CNTN4: variants seen among roughly 807,000 people sequenced by gnomAD.
The protein encoded by CNTN4 is contactin 4.
Under a neutral mutation model 122.5 loss-of-function variants are expected in CNTN4, and 77 were observed. The ratio of observed to expected loss-of-function variants is 0.63; its 90% CI spans 0.52 to 0.76. The LOEUF (loss-of-function observed/expected upper bound fraction) is 0.76, where lower values mean the gene tolerates loss of function less well. Ranked by LOEUF, CNTN4 falls within the 30% of genes least tolerant of loss-of-function variation. CNTN4 has a pLI of 0.00. For missense variants in CNTN4, 1,256 were observed against 1,259.1 expected (o/e 1.00, Z 0.04); for synonymous variants, 512 against 447.0 (o/e 1.15, Z -1.83).
chr3:2,343,343 C>T (rs2044279072), intron 3 of CNTN4, among the ~76,000 whole-genome samples: 1 of 152,134 alleles, frequency 6.6e-6, no homozygotes, highest in African/African-American at 2.4e-5. Flanking sequence ...TCACACTGGT[C>T]ACGGGCCAAG....
Position 2,745,653 on chromosome 3 carries a change from C to T in CNTN4, c.314C>T (p.Ser105Leu), listed in dbSNP as rs759724901. 2.5e-6 allele frequency: 4 copies of T among 1,614,058 alleles called. No homozygotes were observed. Among genetic ancestry groups the T allele is most frequent in the African/African-American group, 1.3e-5 (1 of 75,042 alleles). The change falls in exon 6 of 25, where the codon TCG becomes TTG. Residue 105 changes from serine (S) to leucine (L), a missense_variant. Physicochemically the swap from Ser to Leu is moderately radical, Grantham distance 145 (BLOSUM62 -2). Transcript: ENST00000418658. Reference protein sequence around the residue: ...AGTYQCTATNSFGTIVSREAK... With the variant: ...AGTYQCTATNLFGTIVSREAK... The stretch of plus-strand genomic sequence containing the variant: ...ACGTACCAGTGCACAGCGACAAACT[C>T]GTTTGGAACAATTGTTAGCAGAGAA...
chr3:2,305,212 G>T (rs1371213629), intron 2 of CNTN4, among the ~76,000 whole-genome samples: 1 of 152,108 alleles, frequency 6.6e-6, no homozygotes, highest in African/African-American at 2.4e-5. Context: ...TCTGGCCTGG[G>T]CAGCTGTCAG....
At chr3:2,105,569 A>G (rs1168411509) in intron 2 of CNTN4, among the ~76,000 whole-genome samples, 1 of 152,096 alleles carries the variant, frequency 6.6e-6, no homozygotes, top group African/African-American at 2.4e-5. Context: ...ATCAGATCTC[A>G]TGAGAACTCA....
chr3:2,981,702 C>T (rs932860422), intron 13 of CNTN4, among the ~76,000 whole-genome samples: 1 of 151,966 alleles, frequency 6.6e-6, no homozygotes, highest in African/African-American at 2.4e-5. Flanking sequence ...AAATTTGTAC[C>T]CCAAGGCCGA....
chr3:2,409,986 A>G (rs1371452856), intron 3 of CNTN4, among the ~76,000 whole-genome samples: 1 of 152,176 alleles, frequency 6.6e-6, no homozygotes, highest in African/African-American at 2.4e-5. Context: ...GGGTCATTAT[A>G]AAAATTTCAG....
intron 3 of CNTN4, among the ~76,000 whole-genome samples, chr3:2,360,970 G>A (rs77405292): frequency 0.13 from 19,093 of 152,188 alleles, 1,468 homozygotes; most frequent in Non-Finnish European, 0.17. Flanking sequence ...AGCGTAATGA[G>A]TCAGAATACT....
At chr3:2,233,496 A>G (rs746306489) in intron 2 of CNTN4, among the ~76,000 whole-genome samples, 14 of 152,178 alleles carry the variant, frequency 9.2e-5, no homozygotes, top group Non-Finnish European at 1.9e-4. Context: ...AACTAGGCCA[A>G]TACTATTCAG....
intron 4 of CNTN4, among the ~76,000 whole-genome samples, chr3:2,723,675 T>G (rs1235475706): frequency 1.3e-5 from 2 of 152,224 alleles, no homozygotes; most frequent in Non-Finnish European, 2.9e-5. Context: ...CTAAGGGCCT[T>G]ACCTCTAAAT....
chr3:2,422,160 A>G (rs931548974), intron 3 of CNTN4, among the ~76,000 whole-genome samples: 2 of 152,366 alleles, frequency 1.3e-5, no homozygotes, highest in South Asian at 2.1e-4. Context: ...TTTTAACCAC[A>G]TCTAGAGCAC....
chr3:2,602,522 C>T (rs2081089768), intron 4 of CNTN4, among the ~76,000 whole-genome samples: 1 of 152,062 alleles, frequency 6.6e-6, no homozygotes. Context: ...CCTAGGAATC[C>T]AACTTACAAG....
At chr3:2,944,633 A>G (rs964915894) in intron 13 of CNTN4, among the ~76,000 whole-genome samples, 7 of 152,242 alleles carry the variant, frequency 4.6e-5, no homozygotes, top group African/African-American at 1.7e-4. Context: ...CAAATTTCAA[A>G]TGATAGCCTC....
chr3:2,141,602 TAGG>T (rs2034999279), intron 2 of CNTN4, among the ~76,000 whole-genome samples: 1 of 152,124 alleles, frequency 6.6e-6, no homozygotes, highest in Non-Finnish European at 1.5e-5. Context: ...ACATCAGTAG[TAGG>T]AAATGAATAC....
intron 2 of CNTN4, among the ~76,000 whole-genome samples, chr3:2,132,652 A>G (rs1412435279): frequency 6.6e-6 from 1 of 152,124 alleles, no homozygotes; most frequent in Non-Finnish European, 1.5e-5. Context: ...GCCAGCATCC[A>G]AGATTGTCAT....
chr3:2,390,436 A>G (rs900142729), intron 3 of CNTN4, among the ~76,000 whole-genome samples: 11 of 152,090 alleles, frequency 7.2e-5, no homozygotes, highest in Non-Finnish European at 1.0e-4. Flanking sequence ...CAGAGGGCAA[A>G]ATAGCCACAC....
intron 2 of CNTN4, among the ~76,000 whole-genome samples, chr3:2,187,495 G>A (rs569139299): frequency 1.1e-4 from 16 of 152,240 alleles, no homozygotes; most frequent in Admixed American, 1.0e-3. Flanking sequence ...CTCTGCTATG[G>A]CTGGAGTCCC....
intron 4 of CNTN4, among the ~76,000 whole-genome samples, chr3:2,575,817 T>C (rs1220050870): frequency 2.5e-4 from 1 of 3,932 alleles, no homozygotes; most frequent in South Asian, 3.8e-3. Flanking sequence ...TTCTTTTTTT[T>C]TTTTTTTTTT....
At position 3,054,055 on chromosome 3, in the gene CNTN4, C is replaced by T. The variant is rs1701542523; in HGVS notation, c.2980+80C>T. The T allele has an allele frequency of 2.1e-6, 3 of 1,420,988 alleles. No individual in the cohort carries two copies. In the East Asian group the frequency reaches 7.0e-5, roughly 33 times the overall value. 88.0% of individuals were successfully genotyped at this position (1,420,988 alleles called of 1,614,324 possible). ...TCCAGATGAGTCAGGGCTTGAAAGACATTCAGCCTGCAAAAGCAGACTTAA... is the reference window on the plus strand; with the variant it reads ...TCCAGATGAGTCAGGGCTTGAAAGATATTCAGCCTGCAAAAGCAGACTTAA... On this transcript the variant is annotated intron_variant, in intron 24 of 24. Coordinates refer to ENST00000418658, the MANE Select transcript of CNTN4 (RefSeq NM_175607.3).
chr3:2,639,232 A>G (rs2082796770), intron 4 of CNTN4, among the ~76,000 whole-genome samples: 1 of 150,366 alleles, frequency 6.7e-6, no homozygotes, highest in Non-Finnish European at 1.5e-5. Flanking sequence ...CAACTATCTA[A>G]CTCCTCTCCT....
chr3:2,189,814 G>A (rs138502786), intron 2 of CNTN4, among the ~76,000 whole-genome samples: 1 of 152,268 alleles, frequency 6.6e-6, no homozygotes, highest in African/African-American at 2.4e-5. Flanking sequence ...CTTTCAGTGA[G>A]TGATTCTCAG....
Sources: gnomAD v4.1 joint callset for allele counts (sites outside exome capture counted in the v4.1 genomes callset) on GRCh38, gnomAD v4.1.1 for gene constraint, MANE v1.5 for transcripts, NCBI Gene and HGNC (gene_info 2026-07-23, HGNC 2026-07-21) for gene names.